The following SLCO1B3 variants were observed in gnomAD, a reference collection of about 807,000 sequenced individuals.
SLCO1B3 encodes liver-specific organic anion transporter 2.
A neutral mutation model predicts 71.8 loss-of-function variants in SLCO1B3; 72 were observed. The observed-to-expected ratio is 1.00, with a 90% CI of 0.83 to 1.22. The LOEUF (loss-of-function observed/expected upper bound fraction) is 1.22. Ranked by LOEUF, SLCO1B3 falls within the 50% of genes most tolerant of loss-of-function variation. The pLI, the probability that SLCO1B3 is intolerant of heterozygous loss-of-function variation, is 0.00. For synonymous variants in SLCO1B3, 298 were observed against 278.4 expected (o/e 1.07, Z -0.70); for missense variants, 911 against 819.7 (o/e 1.11, Z -1.36).
chr12:20,860,395 T>G (rs1043080859), intron 5 of SLCO1B3, among the ~76,000 whole-genome samples: 1 of 152,168 alleles, frequency 6.6e-6, no homozygotes, highest in African/African-American at 2.4e-5. Context: ...TTCTTGATCT[T>G]CATGTTTTAT....
intron 8 of SLCO1B3, 96 bp downstream of exon 8, chr12:20,862,950 G>A: frequency 1.7e-6 from 1 of 604,636 alleles, no homozygotes; most frequent in Non-Finnish European, 2.8e-6. Context: ...ATAGTTCTTT[G>A]TTTACTATTT....
chr12:20,829,040 C>G (rs780145669), intron 3 of SLCO1B3, among the ~76,000 whole-genome samples: 2 of 152,096 alleles, frequency 1.3e-5, no homozygotes, highest in Admixed American at 6.5e-5. Flanking sequence ...AACTCAGTAG[C>G]CTTTTTCCCC....
intron 3 of SLCO1B3, among the ~76,000 whole-genome samples, chr12:20,836,615 A>C (rs11045548): frequency 0.03 from 4,543 of 152,150 alleles, 180 homozygotes; most frequent in East Asian, 0.099. Context: ...CAGTGAAACT[A>C]TCTGGGCCTC....
At chr12:20,874,775 T>A (rs1300673048) in intron 8 of SLCO1B3, among the ~76,000 whole-genome samples, 7 of 152,222 alleles carry the variant, frequency 4.6e-5, no homozygotes, top group Non-Finnish European at 1.0e-4. Flanking sequence ...TAGGGTGCTG[T>A]GGATGGAAGC....
intron 13 of SLCO1B3, among the ~76,000 whole-genome samples, chr12:20,886,114 T>G (rs1413030344): frequency 2.0e-5 from 3 of 152,048 alleles, no homozygotes; most frequent in Non-Finnish European, 2.9e-5. Flanking sequence ...GTGACAAAGA[T>G]AATTTAAGGA....
intron 4 of SLCO1B3, among the ~76,000 whole-genome samples, chr12:20,857,466 T>C (rs1865164806): frequency 6.6e-6 from 1 of 151,998 alleles, no homozygotes; most frequent in South Asian, 2.1e-4. Context: ...TTATGTTTCA[T>C]CAATTTTCTC....
chr12:20,828,894 T>A (rs1864483983), intron 3 of SLCO1B3, among the ~76,000 whole-genome samples: 1 of 152,210 alleles, frequency 6.6e-6, no homozygotes, highest in South Asian at 2.1e-4. Context: ...ATGGGGTAAC[T>A]ACCATTGCTC....
intron 3 of SLCO1B3, 61 bp downstream of exon 3, chr12:20,815,883 A>G: frequency 2.0e-6 from 2 of 1,025,626 alleles, no homozygotes; most frequent in Admixed American, 4.7e-5. Flanking sequence ...TATGTATAGA[A>G]AGGCCACTAA....
At chr12:20,832,029 G>T (rs937821116) in intron 3 of SLCO1B3, among the ~76,000 whole-genome samples, 1 of 152,214 alleles carries the variant, frequency 6.6e-6, no homozygotes, top group Non-Finnish European at 1.5e-5. Context: ...GAAAGATGGA[G>T]CCAAGGTCTG....
intron 13 of SLCO1B3, among the ~76,000 whole-genome samples, chr12:20,892,158 G>A (rs1865918050): frequency 6.6e-6 from 1 of 151,734 alleles, no homozygotes; most frequent in Non-Finnish European, 1.5e-5. Context: ...TTCTTTCTCT[G>A]GTTCTTTCTA....
chr12:20,893,898 G>A (rs186421531), intron 13 of SLCO1B3, among the ~76,000 whole-genome samples: 329 of 152,282 alleles, frequency 2.2e-3, no homozygotes, highest in African/African-American at 6.1e-3. Context: ...GCCCAAAGGA[G>A]GGTAATGTTT....
At chr12:20,896,699 C>T (rs1866012878) in intron 13 of SLCO1B3, among the ~76,000 whole-genome samples, 1 of 152,186 alleles carries the variant, frequency 6.6e-6, no homozygotes, top group Non-Finnish European at 1.5e-5. Flanking sequence ...TTACCCAGTT[C>T]CAAGGTCACT....
chr12:20,904,312 T>C (rs1866190989), intron 15 of SLCO1B3, among the ~76,000 whole-genome samples: 1 of 151,644 alleles, frequency 6.6e-6, no homozygotes, highest in Non-Finnish European at 1.5e-5. Flanking sequence ...TTATTCCAAA[T>C]GGGAGAAATT....
intron 7 of SLCO1B3, 23 bp downstream of exon 7, chr12:20,862,581 T>A (rs940611821): frequency 6.4e-7 from 1 of 1,572,372 alleles, no homozygotes; most frequent in African/African-American, 1.4e-5. Context: ...ATATATTAAA[T>A]TTCATGATTA....
rs140588159 is a variant in SLCO1B3, at chr12:20,852,376, G to A, written c.85-2652G>A. On this transcript the variant is annotated intron_variant, in intron 3 of 15. Coordinates refer to ENST00000381545, the MANE Select transcript of SLCO1B3 (RefSeq NM_019844.4). ...CAGCTGTAGTACCAGCTATTGAGGAGGCTGAGGTGGGAGGATTGATAGAGC... is the reference window on the plus strand; with the variant it reads ...CAGCTGTAGTACCAGCTATTGAGGAAGCTGAGGTGGGAGGATTGATAGAGC... 5.1e-3 allele frequency among the ~76,000 whole-genome samples: 771 copies of A among 152,244 alleles called. 1 individual carries two copies. Among genetic ancestry groups the A allele is most frequent in the Non-Finnish European group, 9.2e-3 (626 of 68,004 alleles).
chr12:20,891,573 T>G (rs1471005768), intron 13 of SLCO1B3, among the ~76,000 whole-genome samples: 1 of 152,146 alleles, frequency 6.6e-6, no homozygotes, highest in African/African-American at 2.4e-5. Flanking sequence ...GGATCTGTAG[T>G]AAGTCAGGGA....
chr12:20,874,338 T>G (rs1328082655), intron 8 of SLCO1B3, among the ~76,000 whole-genome samples: 1 of 152,194 alleles, frequency 6.6e-6, no homozygotes, highest in East Asian at 1.9e-4. Flanking sequence ...TGTCTCCAAT[T>G]ATCTTACTGG....
In SLCO1B3 at chr12:20,820,331, G is replaced by C. The variant is rs999602218; in HGVS notation, c.84+4509G>C. The stretch of plus-strand genomic sequence containing the variant: ...AGAGCCTTGGGCCAGAGTTCCAGGG[G>C]CTCTGGGAGTGGCTGCCAGGTGAGT... On this transcript the variant is annotated intron_variant, in intron 3 of 15. Coordinates refer to ENST00000381545, the MANE Select transcript of SLCO1B3 (RefSeq NM_019844.4). Among the ~76,000 whole-genome samples the C allele has an allele frequency of 9.2e-5, 14 of 152,272 alleles. 1 individual carries two copies. Among genetic ancestry groups the C allele is most frequent in the Middle Eastern group, 6.8e-3 (2 of 294 alleles).
chr12:20,908,439 G>A (rs1322598305), intron 15 of SLCO1B3, among the ~76,000 whole-genome samples: 1 of 152,160 alleles, frequency 6.6e-6, no homozygotes, highest in Non-Finnish European at 1.5e-5. Context: ...TGAACTTTCT[G>A]TGGGTTTGGA....
Sources: allele counts gnomAD v4.1 joint callset (sites outside exome capture counted in the v4.1 genomes callset), GRCh38; gene constraint gnomAD v4.1.1; transcripts MANE v1.5; gene names NCBI Gene and HGNC (gene_info 2026-07-23, HGNC 2026-07-21).